The following AMPH variants were observed in gnomAD, a reference collection of about 807,000 sequenced individuals.
The protein encoded by AMPH is amphiphysin.
In AMPH, 49 loss-of-function variants were observed where a neutral mutation model predicts 99.1. The observed-to-expected ratio is 0.49, with a 90% CI of 0.39 to 0.63. AMPH has a LOEUF of 0.63. Among genes scored for constraint, AMPH ranks in the 20% least tolerant of loss-of-function variants. AMPH has a pLI of 0.00. For missense variants in AMPH, 759 were observed against 863.4 expected, an observed-to-expected ratio of 0.88 and a Z score of 1.52; for synonymous variants, 314 against 317.3, an observed-to-expected ratio of 0.99 and a Z score of 0.11.
chr7:38,417,707 C>T, intron 17 of AMPH, 118 bp downstream of exon 17: 3 of 1,340,080 alleles, frequency 2.2e-6, no homozygotes, highest in Non-Finnish European at 3.0e-6. Flanking sequence ...GGAGCTACGA[C>T]AGATATGGAG....
intron 3 of AMPH, among the ~76,000 whole-genome samples, chr7:38,501,732 T>C (rs68048228): frequency 0.063 from 9,540 of 151,536 alleles, 482 homozygotes; most frequent in African/African-American, 0.14. Context: ...GAGAATAAAT[T>C]CTTAGAATGA....
At chr7:38,422,866 G>A (rs1042973025) in intron 15 of AMPH, among the ~76,000 whole-genome samples, 4 of 152,158 alleles carry the variant, frequency 2.6e-5, no homozygotes, top group East Asian at 3.9e-4. Context: ...GCAAACTGCC[G>A]AGCTTGGCCT....
In AMPH at chr7:38,472,053, G is replaced by A. The variant is rs1787906356; in HGVS notation, c.590+3278C>T. Among the ~76,000 whole-genome samples, 3 of 152,116 alleles carry A rather than the reference G, an allele frequency of 2.0e-5. No homozygotes were observed. In the South Asian group the frequency reaches 6.2e-4, roughly 32 times the overall value. On this transcript the variant is annotated intron_variant, in intron 7 of 20. Coordinates refer to ENST00000356264, the MANE Select transcript of AMPH (RefSeq NM_001635.4). ...GACTTCAATATCTCACTTTCAACAA[G>A]GCAGAAGATAGTAAGGAAATAGAAA...
intron 1 of AMPH, among the ~76,000 whole-genome samples, chr7:38,612,084 C>CTTTTT (rs777855014): frequency 0.01 from 915 of 90,742 alleles, 31 homozygotes; most frequent in Non-Finnish European, 0.013. Context: ...TTTTTGTCTT[C>CTTTTT]TTCTTTTTTT....
intron 1 of AMPH, among the ~76,000 whole-genome samples, chr7:38,627,045 C>CTA (rs1282071186): frequency 2.0e-5 from 3 of 152,150 alleles, no homozygotes; most frequent in Admixed American, 6.5e-5. Flanking sequence ...ATTCTGTACT[C>CTA]TAAGTTCCCT....
intron 1 of AMPH, among the ~76,000 whole-genome samples, chr7:38,574,304 T>G (rs894551359): frequency 2.0e-5 from 3 of 152,190 alleles, no homozygotes; most frequent in Admixed American, 6.5e-5. Context: ...GAGAGGTGAT[T>G]TATCAAAACC....
chr7:38,422,392 C>T (rs1342929946), intron 16 of AMPH, 29 bp downstream of exon 16: 2 of 1,594,902 alleles, frequency 1.3e-6, no homozygotes, highest in South Asian at 2.2e-5. Context: ...CTAACAACTT[C>T]CTGAGAGCAC....
chr7:38,571,152 AAT>A (rs572354374), intron 1 of AMPH, among the ~76,000 whole-genome samples: 10,141 of 45,072 alleles, frequency 0.22, 2,595 homozygotes, highest in Admixed American at 0.32. Flanking sequence ...TATATTTATG[AAT>A]ATATATATTT....
At chr7:38,590,770 G>A (rs893244181) in intron 1 of AMPH, among the ~76,000 whole-genome samples, 1 of 152,134 alleles carries the variant, frequency 6.6e-6, no homozygotes. Context: ...AGGAAATCCA[G>A]CTAGTCCTGT....
intron 1 of AMPH, among the ~76,000 whole-genome samples, chr7:38,574,479 T>A (rs1792159602): frequency 6.6e-6 from 1 of 152,212 alleles, no homozygotes; most frequent in African/African-American, 2.4e-5. Flanking sequence ...TCATTAGGAT[T>A]TCCTCTAATT....
chr7:38,434,851 T>C (rs192394323), intron 12 of AMPH, among the ~76,000 whole-genome samples: 4 of 152,368 alleles, frequency 2.6e-5, no homozygotes, highest in Admixed American at 2.6e-4. Flanking sequence ...TTCAATTATA[T>C]GTACATTCAC....
intron 17 of AMPH, among the ~76,000 whole-genome samples, chr7:38,407,048 C>CTATATATATATA (rs1200407336): frequency 3.2e-5 from 1 of 31,268 alleles, no homozygotes; most frequent in Non-Finnish European, 6.1e-5. Context: ...CTCTCTCTCT[C>CTATATATATATA]TATATATATA....
At chr7:38,574,458 C>G (rs1792158745) in intron 1 of AMPH, among the ~76,000 whole-genome samples, 1 of 152,220 alleles carries the variant, frequency 6.6e-6, no homozygotes, top group African/African-American at 2.4e-5. Context: ...TTCAGCCAAA[C>G]TATTGCTCCC....
At chr7:38,476,335 G>A (rs1313013951) in intron 6 of AMPH, among the ~76,000 whole-genome samples, 1 of 152,198 alleles carries the variant, frequency 6.6e-6, no homozygotes, top group Non-Finnish European at 1.5e-5. Flanking sequence ...AGGCAGCTGT[G>A]TGTAGGCACA....
chr7:38,476,311 T>C (rs1788083893), intron 6 of AMPH, among the ~76,000 whole-genome samples: 1 of 152,144 alleles, frequency 6.6e-6, no homozygotes, highest in Admixed American at 6.5e-5. Context: ...TATCTCGATG[T>C]AGAAAGACCA....
intron 1 of AMPH, among the ~76,000 whole-genome samples, chr7:38,565,475 A>G (rs187387508): frequency 2.8e-3 from 422 of 152,116 alleles, no homozygotes; most frequent in Non-Finnish European, 4.9e-3. Context: ...ACCTCTTCAC[A>G]TGGTCTTTTT....
chr7:38,572,989 G>C (rs7810157), intron 1 of AMPH, among the ~76,000 whole-genome samples: 90 of 152,288 alleles, frequency 5.9e-4, no homozygotes, highest in African/African-American at 2.0e-3. Context: ...TGGTGTGGTA[G>C]CATCTCCTAC....
chr7:38,570,379 G>A (rs1300958929), intron 1 of AMPH, among the ~76,000 whole-genome samples: 1 of 152,106 alleles, frequency 6.6e-6, no homozygotes, highest in Admixed American at 6.5e-5. Flanking sequence ...ACCACTTCAA[G>A]GATTTACAGT....
chr7:38,400,738 GCT>G (rs1359688695), intron 17 of AMPH, among the ~76,000 whole-genome samples: 4 of 152,096 alleles, frequency 2.6e-5, no homozygotes, highest in Non-Finnish European at 4.4e-5. Context: ...TTACTTATTT[GCT>G]TGTTTTCTTT....
Sources: allele counts gnomAD v4.1 joint callset (sites outside exome capture counted in the v4.1 genomes callset), GRCh38; gene constraint gnomAD v4.1.1; transcripts MANE v1.5; gene names NCBI Gene and HGNC (gene_info 2026-07-23, HGNC 2026-07-21).